GPRIN2: variants seen among roughly 807,000 people sequenced by gnomAD.
The protein encoded by GPRIN2 is G protein regulated inducer of neurite outgrowth 2.
GPRIN2 carries 1 observed loss-of-function variant against 0.3 expected under a neutral mutation model. The observed-to-expected ratio is 3.90, with a 90% CI of 1.39 to 18.51. GPRIN2 has a LOEUF of 18.51. GPRIN2 is among the 30% of genes most tolerant of loss of function. The pLI is 0.11. For missense variants in GPRIN2, 880 were observed against 604.2 expected (o/e 1.46, Z -4.79); for synonymous variants, 361 against 258.6 (o/e 1.40, Z -3.80).
At chr10:46,551,697 G>A (rs997187451) in intron 2 of GPRIN2, among the ~76,000 whole-genome samples, 2 of 152,404 alleles carry the variant, frequency 1.3e-5, no homozygotes, top group South Asian at 4.1e-4. Flanking sequence ...CCCACCCTCC[G>A]TACCATCGCT....
Position 46,549,896 on chromosome 10 carries a change from T to A in GPRIN2, c.841A>T (p.Arg281Trp). 1 of 1,614,272 alleles carries A rather than the reference T, an allele frequency of 6.2e-7. No homozygotes were observed. The highest frequency in any genetic ancestry group is 8.5e-7 in the Non-Finnish European group (1 of 1,180,056). Reference protein sequence around the residue: ...QAQHGVKIHCRLSGGLPGHSH... With the variant: ...QAQHGVKIHCWLSGGLPGHSH... ...TGCCCAGGGAGCCCCCCAGACAACC[T>A]ACAGTGGATCTTCACCCCATGCTGA... is the stretch of plus-strand genomic sequence containing the variant. The change falls in exon 3 of 3, where the codon AGG (arginine) becomes TGG (tryptophan). Residue 281 changes from arginine (R) to tryptophan (W), a missense_variant. Transcript: ENST00000374314.
At chr10:46,552,970 C>T (rs1842781124) in intron 2 of GPRIN2, among the ~76,000 whole-genome samples, 1 of 152,310 alleles carries the variant, frequency 6.6e-6, no homozygotes, top group African/African-American at 2.4e-5. Flanking sequence ...GCAATAAAGC[C>T]CGTAACAGCG....
rs1832818954 is a variant in GPRIN2 at position 46,548,128 on chromosome 10, G to A, written c.*1232C>T. On this transcript the variant is annotated 3_prime_UTR_variant, in exon 3 of 3. Transcript: ENST00000374314. ...GTCCCTCACACGGGTGGATTGGGGG[G>A]CTGTGTCACGGGATCTTAGGATCTT... 5.2e-4 allele frequency among the ~76,000 whole-genome samples: 79 copies of A among 152,384 alleles called. No homozygotes were observed. The Middle Eastern group carries it at 0.01, about 20-fold the overall frequency.
At position 46,544,916 on chromosome 10, in the gene GPRIN2, G is replaced by A. The variant is rs1401297200; in HGVS notation, c.*4444C>T. Among the ~76,000 whole-genome samples, 2 of 152,302 alleles carry A rather than the reference G, an allele frequency of 1.3e-5. No homozygotes were observed. The highest frequency in any genetic ancestry group is 2.4e-5 in the African/African-American group (1 of 41,488). On this transcript the variant is annotated 3_prime_UTR_variant, in exon 3 of 3. Coordinates refer to ENST00000374314, the MANE Select transcript of GPRIN2 (RefSeq NM_001385282.1). ...TCACAGACCTATGGGATGTCCCAGT[G>A]ATATGTCCTGGGCTTCATACCAGCC...
rs1484362300 is a variant in GPRIN2 at position 46,547,103 on chromosome 10, G to A, written c.*2257C>T. Among the ~76,000 whole-genome samples the A allele has an allele frequency of 6.6e-6, 1 of 152,308 alleles. No individual in the cohort carries two copies. The highest frequency in any genetic ancestry group is 1.5e-5 in the Non-Finnish European group (1 of 68,056). ...GGCCCTTTCTGCACCTGCTGAACAT[G>A]CCATTCACCTTGACCCAGGTAGTGG... On this transcript the variant is annotated 3_prime_UTR_variant, in exon 3 of 3. Coordinates refer to ENST00000374314, the MANE Select transcript of GPRIN2 (RefSeq NM_001385282.1).
At chr10:46,553,165 T>A (rs868949755) in intron 2 of GPRIN2, among the ~76,000 whole-genome samples, 1 of 152,312 alleles carries the variant, frequency 6.6e-6, no homozygotes, top group Non-Finnish European at 1.5e-5. Context: ...CACACACCTG[T>A]GGGGCAGCTG....
chr10:46,549,880 A>T lies in GPRIN2; in HGVS notation c.857T>A (p.Leu286His), dbSNP rs1842464967. The T allele has an allele frequency of 1.9e-6, 3 of 1,614,274 alleles. No individual in the cohort carries two copies. The highest frequency in any genetic ancestry group is 2.5e-6 in the Non-Finnish European group (3 of 1,180,058). The change falls in exon 3 of 3, where the codon CTC (leucine) becomes CAC (histidine). Residue 286 changes from leucine to histidine, a missense_variant. Transcript: ENST00000374314. ...VKIHCRLSGG[L>H]PGHSHCCAHL... The stretch of plus-strand genomic sequence containing the variant: ...GGCACAGCAATGGGAATGCCCAGGG[A>T]GCCCCCCAGACAACCTACAGTGGAT...
rs1842130648 is a variant in GPRIN2 at position 46,546,059 on chromosome 10, G to C, written c.*3301C>G. Among the ~76,000 whole-genome samples, 1 of 152,306 alleles carries C rather than the reference G, an allele frequency of 6.6e-6. No homozygotes were observed. Among genetic ancestry groups the C allele is most frequent in the South Asian group, 2.1e-4 (1 of 4,838 alleles). On this transcript the variant is annotated 3_prime_UTR_variant, in exon 3 of 3. Transcript: ENST00000374314. The stretch of plus-strand genomic sequence containing the variant: ...AGGATCTAGCATGTCTAAGGGGACA[G>C]AGACCCAATCCAGGTGACACAGGAG...
In GPRIN2 at chr10:46,549,660, G is replaced by T. The variant is rs1832638471; in HGVS notation, c.1077C>A (p.Ala359=). The change falls in exon 3 of 3, where the codon GCC becomes GCA. Residue 359 remains alanine, a synonymous_variant. Transcript: ENST00000374314. ...GAGTTACCTCTGGGAACACATGCAGGGCTGCAGGCGCTTCCAGGGACGGAC... is the reference window on the plus strand; with the variant it reads ...GAGTTACCTCTGGGAACACATGCAGTGCTGCAGGCGCTTCCAGGGACGGAC... ...ATSPSLEAPA[A]LHVFPEVTLG... The T allele has an allele frequency of 3.7e-6, 6 of 1,614,194 alleles. No homozygotes were observed. Among genetic ancestry groups the T allele is most frequent in the Non-Finnish European group, 4.2e-6 (5 of 1,179,974 alleles).
Position 46,549,594 on chromosome 10 carries a change from A to T in GPRIN2, c.1143T>A (p.Asp381Glu). 1 of 1,614,256 alleles carries T rather than the reference A, an allele frequency of 6.2e-7. No homozygotes were observed. Among genetic ancestry groups the T allele is most frequent in the Non-Finnish European group, 8.5e-7 (1 of 1,180,022 alleles). The change falls in exon 3 of 3, where the codon GAT (aspartate) becomes GAA (glutamate). Residue 381 changes from aspartate to glutamate, a missense_variant. Transcript: ENST00000374314. ...TCATGCCCTCAGCATCCCATCGCAC[A>T]TCCCGCACAGGGGACGGCACCTCCT... Reference protein sequence around the residue: ...SLEEVPSPVRDVRWDAEGMTW... With the variant: ...SLEEVPSPVREVRWDAEGMTW...
chr10:46,544,218 T>C lies in GPRIN2; in HGVS notation c.*5142A>G, dbSNP rs1445785935. 1.3e-5 allele frequency among the ~76,000 whole-genome samples: 2 copies of C among 152,310 alleles called. No homozygotes were observed. The highest frequency in any genetic ancestry group is 2.4e-5 in the African/African-American group (1 of 41,486). ...CAGAAACCACACAGAGGAGCCCGGG[T>C]GTGCCAGAAACAGCCTTTCATAATA... is the stretch of plus-strand genomic sequence containing the variant. On this transcript the variant is annotated 3_prime_UTR_variant, in exon 3 of 3. Coordinates refer to ENST00000374314, the MANE Select transcript of GPRIN2 (RefSeq NM_001385282.1).
In GPRIN2 at chr10:46,550,239, G is replaced by T. The variant is rs151082919; in HGVS notation, c.498C>A (p.Gly166=). ...CCCTTTCCAGGCCTGCAGGGGCCTG[G>T]CCACCCTGGCCAGAAGTACCACCTG... The part of the protein sequence containing the change: ...LQPGGTSGQG[G]QAPAGLERDL... The change falls in exon 3 of 3, where the codon GGC becomes GGA. Residue 166 remains glycine, a synonymous_variant. Transcript: ENST00000374314. 214 of 1,607,744 alleles carry T rather than the reference G, an allele frequency of 1.3e-4. No individual in the cohort carries two copies. The highest frequency in any genetic ancestry group is 2.2e-4 in the Admixed American group (13 of 59,688).
At chr10:46,557,593 C>T (rs980117062), upstream of GPRIN2, among the ~76,000 whole-genome samples, 1 of 152,308 alleles carries the variant, frequency 6.6e-6, no homozygotes, top group African/African-American at 2.4e-5. Flanking sequence ...CCCGCAGCAC[C>T]ACAGCGCCTT....
At chr10:46,551,245 A>G (rs1588969697) in intron 2 of GPRIN2, among the ~76,000 whole-genome samples, 1 of 152,308 alleles carries the variant, frequency 6.6e-6, no homozygotes, top group Non-Finnish European at 1.5e-5. Flanking sequence ...TATCCAACTC[A>G]CTGTGGACAG....
rs957437670 is a variant in GPRIN2 at position 46,549,299 on chromosome 10, C to T, written c.*61G>A. On this transcript the variant is annotated 3_prime_UTR_variant, in exon 3 of 3. Coordinates refer to ENST00000374314, the MANE Select transcript of GPRIN2 (RefSeq NM_001385282.1). Reference sequence around the variant, plus strand: ...CCAGGGGGCACGGAGCCCCCACCGTCCCTGGCCCAGGTCTAGGACTAAGTC... The same window carrying T: ...CCAGGGGGCACGGAGCCCCCACCGTTCCTGGCCCAGGTCTAGGACTAAGTC... 2 of 1,446,048 alleles carry T rather than the reference C, an allele frequency of 1.4e-6. No individual in the cohort carries two copies. The highest frequency in any genetic ancestry group is 1.4e-5 in the African/African-American group (1 of 69,494). 89.6% of individuals were successfully genotyped at this position (1,446,048 alleles called of 1,614,324 possible). A position where few individuals can be genotyped will look rare whatever the true frequency, so the allele number is the denominator to read the frequency against.
rs1555014047 is a variant in GPRIN2, at chr10:46,546,555, A to G, written c.*2805T>C. On this transcript the variant is annotated 3_prime_UTR_variant, in exon 3 of 3. Transcript: ENST00000374314. Reference sequence around the variant, plus strand: ...TCAACAGTGAACTCCAACACCTCCCAGAGCAGGGCCTGAAAGGGACCCAGA... The same window carrying G: ...TCAACAGTGAACTCCAACACCTCCCGGAGCAGGGCCTGAAAGGGACCCAGA... Among the ~76,000 whole-genome samples, 1 of 152,312 alleles carries G rather than the reference A, an allele frequency of 6.6e-6. No individual in the cohort carries two copies. Among genetic ancestry groups the G allele is most frequent in the African/African-American group, 2.4e-5 (1 of 41,488 alleles).
Position 46,550,277 on chromosome 10 carries a change from C to T in GPRIN2, c.460G>A (p.Ala154Thr). The T allele has an allele frequency of 6.2e-7, 1 of 1,612,656 alleles. No individual in the cohort carries two copies. The highest frequency in any genetic ancestry group is 8.5e-7 in the Non-Finnish European group (1 of 1,179,674). ...SALGSSPVHR[A>T]QLQPGGTSGQ... ...GAAGTACCACCTGGCTGCAGCTGAG[C>T]CCTGTGGACAGGGCTGCTGCCAAGG... The change falls in exon 3 of 3, where the codon GCT becomes ACT. Residue 154 changes from alanine (A) to threonine (T), a missense_variant. By Grantham distance (58) the Ala-to-Thr change is moderately conservative. Coordinates refer to ENST00000374314, the MANE Select transcript of GPRIN2 (RefSeq NM_001385282.1).
At position 46,547,720 on chromosome 10, in the gene GPRIN2, T is replaced by C. The variant is rs1484670087; in HGVS notation, c.*1640A>G. ...TGGGGAGCCAGGCATGAAGATGGCA[T>C]ATACCCATGTGTCACTCCCCAGAAC... On this transcript the variant is annotated 3_prime_UTR_variant, in exon 3 of 3. Coordinates refer to ENST00000374314, the MANE Select transcript of GPRIN2 (RefSeq NM_001385282.1). 6.6e-6 allele frequency among the ~76,000 whole-genome samples: 1 copy of C among 152,308 alleles called. No individual in the cohort carries two copies. Among genetic ancestry groups the C allele is most frequent in the African/African-American group, 2.4e-5 (1 of 41,486 alleles).
chr10:46,556,356 C>T (rs1588981114), intron 1 of GPRIN2, among the ~76,000 whole-genome samples, 142 bp downstream of exon 1: 1 of 152,310 alleles, frequency 6.6e-6, no homozygotes, highest in South Asian at 2.1e-4. Flanking sequence ...CCACCGGGGG[C>T]TCTGGGCGCT....
Sources: allele counts gnomAD v4.1 joint callset (sites outside exome capture counted in the v4.1 genomes callset), GRCh38; gene constraint gnomAD v4.1.1; transcripts MANE v1.5; gene names NCBI Gene and HGNC (gene_info 2026-07-23, HGNC 2026-07-21).